The following AKAP12 variants were observed in gnomAD, a reference collection of about 807,000 sequenced individuals.
AKAP12 encodes the protein A-kinase anchoring protein 12.
Under a neutral mutation model 79.9 loss-of-function variants are expected in AKAP12, and 32 were observed. That is an observed-to-expected ratio of 0.40 (90% CI 0.30 to 0.54). The LOEUF (loss-of-function observed/expected upper bound fraction) is 0.54, where lower values mean the gene tolerates loss of function less well. Among genes scored for constraint, AKAP12 ranks in the 20% least tolerant of loss-of-function variants. The pLI is 0.48. For missense variants in AKAP12, 2,074 were observed against 2,177.0 expected, an observed-to-expected ratio of 0.95 and a Z score of 0.94; for synonymous variants, 808 against 857.0, an observed-to-expected ratio of 0.94 and a Z score of 1.00.
intron 3 of AKAP12, among the ~76,000 whole-genome samples, chr6:151,336,684 G>A (rs956180067): frequency 2.0e-5 from 3 of 152,204 alleles, no homozygotes; most frequent in African/African-American, 7.2e-5. Flanking sequence ...GGAGGTTGCA[G>A]TGGAACTGAG....
chr6:151,349,854 T>C lies in AKAP12; in HGVS notation c.1463T>C (p.Val488Ala), dbSNP rs1211053296. The C allele has an allele frequency of 6.2e-7, 1 of 1,613,948 alleles. No homozygotes were observed. Among genetic ancestry groups the C allele is most frequent in the African/African-American group, 1.3e-5 (1 of 74,960 alleles). Residue 488 changes from valine to alanine, a missense_variant, in exon 4 of 5, where the codon GTG becomes GCG. This residue lies in a region of AKAP12 where 1,428 missense variants were observed against 1,451.0 expected (regional missense o/e 0.98). Transcript: ENST00000402676. ...QGADLSPDEK[V>A]LSKPPEGVVS... Reference sequence around the variant, plus strand: ...GCTGACCTCAGTCCTGATGAGAAGGTGCTGTCCAAACCCCCCGAAGGCGTT... The same window carrying C: ...GCTGACCTCAGTCCTGATGAGAAGGCGCTGTCCAAACCCCCCGAAGGCGTT...
chr6:151,305,728 G>A lies in AKAP12; in HGVS notation c.163-19G>A. On this transcript the variant is annotated intron_variant, in intron 2 of 4. Transcript: ENST00000402676. ...ATGAGGACTGAAATTAAGTTTCTAT[G>A]GCTTTGTCTTTTCCATAGCTCCTAC... The A allele has an allele frequency of 1.3e-6, 2 of 1,596,538 alleles. No individual in the cohort carries two copies. Among genetic ancestry groups the A allele is most frequent in the South Asian group, 2.3e-5 (2 of 88,654 alleles).
At chr6:151,345,932 T>TGTGTGTGTGTGAGAGAGAGAGAGA (rs1349850485) in intron 3 of AKAP12, among the ~76,000 whole-genome samples, 1 of 101,374 alleles carries the variant, frequency 9.9e-6, no homozygotes, top group African/African-American at 4.4e-5. Context: ...TGTGTGTGTG[T>TGTGTGTGTGTGAGAGAGAGAGAGA]GAGAGAGAGA....
intron 2 of AKAP12, among the ~76,000 whole-genome samples, chr6:151,261,240 C>T (rs773057571): frequency 3.3e-5 from 5 of 151,154 alleles, no homozygotes; most frequent in Non-Finnish European, 7.4e-5. Context: ...ATTAGCTGGG[C>T]GTGGTGGTGG....
In AKAP12 at chr6:151,325,165, C is replaced by T. The variant is rs904607174; in HGVS notation, c.319+19262C>T. On this transcript the variant is annotated intron_variant, in intron 3 of 4. Coordinates refer to ENST00000402676, the MANE Select transcript of AKAP12 (RefSeq NM_005100.4). ...GTTGCCAGTCTTCAGAGCAGTGCAA[C>T]GTGTGTGTATGCGTAAGACACAGAT... The T allele has an allele frequency of 9.1e-6, 9 of 985,220 alleles. No individual in the cohort carries two copies. In the South Asian group the frequency reaches 2.8e-4, roughly 31 times the overall value. The allele number at this position is 985,220 out of a possible 1,614,324, so 61.0% of individuals were successfully genotyped here.
chr6:151,354,167 C>CA (rs1303879560), intron 4 of AKAP12, among the ~76,000 whole-genome samples: 2 of 149,836 alleles, frequency 1.3e-5, no homozygotes, highest in South Asian at 2.1e-4. Context: ...AAAAAACAAA[C>CA]AAAAAAAACT....
intron 3 of AKAP12, chr6:151,325,649 T>C: frequency 1.4e-6 from 2 of 1,398,610 alleles, no homozygotes; most frequent in Non-Finnish European, 1.9e-6. Context: ...CCGCCTATAA[T>C]TATCTGGGGA....
intron 3 of AKAP12, among the ~76,000 whole-genome samples, chr6:151,321,049 C>T (rs529102735): frequency 7.9e-5 from 12 of 151,600 alleles, no homozygotes; most frequent in East Asian, 3.9e-4. Context: ...TGCAATGACG[C>T]GATCTCAGCT....
intron 2 of AKAP12, among the ~76,000 whole-genome samples, chr6:151,264,903 G>A (rs1379782694): frequency 6.6e-6 from 1 of 152,080 alleles, no homozygotes; most frequent in Non-Finnish European, 1.5e-5. Context: ...TGTAATCCCA[G>A]CACTTTCGGA....
chr6:151,354,188 A>G (rs966507608), intron 4 of AKAP12, among the ~76,000 whole-genome samples: 1 of 151,874 alleles, frequency 6.6e-6, no homozygotes, highest in Admixed American at 6.6e-5. Context: ...AGTGCCCCCA[A>G]ATGGGCTAAT....
chr6:151,325,517 G>T, intron 3 of AKAP12: 1 of 985,300 alleles, frequency 1.0e-6, no homozygotes, highest in Non-Finnish European at 1.2e-6. Flanking sequence ...GGTGAAGCAC[G>T]TGACCCCCTG....
chr6:151,266,669 C>G (rs1776035838), intron 2 of AKAP12, among the ~76,000 whole-genome samples: 1 of 152,070 alleles, frequency 6.6e-6, no homozygotes, highest in Non-Finnish European at 1.5e-5. Context: ...AAACTGTATT[C>G]CATAAAATGT....
At chr6:151,279,347 G>T (rs962504603) in intron 2 of AKAP12, among the ~76,000 whole-genome samples, 4 of 152,078 alleles carry the variant, frequency 2.6e-5, no homozygotes, top group Non-Finnish European at 4.4e-5. Flanking sequence ...ATTCTTTCAG[G>T]ATTTGGTTCT....
chr6:151,260,122 C>G (rs4870007), intron 2 of AKAP12, among the ~76,000 whole-genome samples: 89,166 of 151,960 alleles, frequency 0.59, 28,057 homozygotes, highest in African/African-American at 0.83. Context: ...TTCTTACTGT[C>G]AGTTCGCTAA....
chr6:151,328,900 C>T (rs1777603008), intron 3 of AKAP12, among the ~76,000 whole-genome samples: 1 of 152,042 alleles, frequency 6.6e-6, no homozygotes, highest in Admixed American at 6.6e-5. Flanking sequence ...TCCCCCCTGC[C>T]ACACACACAA....
chr6:151,351,889 TACAG>T lies in AKAP12; in HGVS notation c.3503_3506del (p.Asp1168ValfsTer9), dbSNP rs1030624184. On this transcript the variant is annotated frameshift_variant, in exon 4 of 5. Transcript: ENST00000402676. LOFTEE classifies it low-confidence loss of function (END_TRUNC). This position sits in a 1 kb window ranked among gnomAD's most constrained non-coding sequence, Gnocchi z 4.4. Reference sequence around the variant, plus strand: ...TCCCCCCTGACTCGGTGGAAACCCCTACAGACAGTGAGACTGATGGAAGCACCCC... The same window carrying T: ...TCCCCCCTGACTCGGTGGAAACCCCTACAGTGAGACTGATGGAAGCACCCC... 3.1e-6 allele frequency: 5 copies of T among 1,613,860 alleles called. No individual in the cohort carries two copies. Among genetic ancestry groups the T allele is most frequent in the Non-Finnish European group, 4.2e-6 (5 of 1,180,010 alleles).
At chr6:151,311,563 C>T (rs1777102585) in intron 3 of AKAP12, among the ~76,000 whole-genome samples, 2 of 152,144 alleles carry the variant, frequency 1.3e-5, no homozygotes, top group Admixed American at 6.5e-5. Flanking sequence ...AATGCTGTCA[C>T]TTAAAGCAGA....
intron 2 of AKAP12, among the ~76,000 whole-genome samples, chr6:151,241,888 C>T (rs1268196802): frequency 6.6e-6 from 1 of 151,088 alleles, no homozygotes; most frequent in Non-Finnish European, 1.5e-5. Flanking sequence ...CCTTAGCTGC[C>T]CTAGTCTCTT....
intron 3 of AKAP12, 33 bp from the exon 4 acceptor site, chr6:151,348,678 T>TGTGGGGGGGGGGGGGGGGGGGG: frequency 5.3e-6 from 2 of 374,898 alleles, no homozygotes; most frequent in East Asian, 5.6e-5. Context: ...CCTTTTCTCT[T>TGTGGGGGGGGGGGGGGGGGGGG]CTCCCCACCC....
Sources: allele counts gnomAD v4.1 joint callset (sites outside exome capture counted in the v4.1 genomes callset), GRCh38; gene constraint gnomAD v4.1.1; regional missense constraint gnomAD v4.1.1; non-coding constraint Gnocchi (gnomAD v3.1); transcripts MANE v1.5; gene names NCBI Gene and HGNC (gene_info 2026-07-23, HGNC 2026-07-21).